ELP3: variants seen among roughly 807,000 people sequenced by gnomAD.
ELP3 encodes the protein elongator acetyltransferase complex subunit 3.
A neutral mutation model predicts 74.9 loss-of-function variants in ELP3; 56 were observed. The ratio of observed to expected loss-of-function variants is 0.75; its 90% confidence interval spans 0.60 to 0.93. The LOEUF (loss-of-function observed/expected upper bound fraction) is 0.93, where lower values mean the gene tolerates loss of function less well. Among genes scored for constraint, ELP3 ranks in the 40% least tolerant of loss-of-function variants. The probability of loss-of-function intolerance (pLI) is 0.00; values close to 1 mark genes in which losing one functional copy is unlikely to be tolerated. For missense variants in ELP3, 573 were observed against 686.5 expected, an observed-to-expected ratio of 0.83 and a Z score of 1.85; for synonymous variants, 222 against 239.8, an observed-to-expected ratio of 0.93 and a Z score of 0.68.
At chr8:28,101,656 C>T (rs1270316113) in intron 3 of ELP3, among the ~76,000 whole-genome samples, 2 of 149,330 alleles carry the variant, frequency 1.3e-5, no homozygotes, top group Non-Finnish European at 2.9e-5. Flanking sequence ...GTGGTACGAT[C>T]TTGGCTCACT....
At chr8:28,188,384 G>A (rs1815325844) in intron 14 of ELP3, among the ~76,000 whole-genome samples, 1 of 152,064 alleles carries the variant, frequency 6.6e-6, no homozygotes, top group South Asian at 2.1e-4. Context: ...CTAATCTGGT[G>A]ACTCTTGGTG....
chr8:28,093,037 T>G, upstream of ELP3: 1 of 1,011,016 alleles, frequency 9.9e-7, no homozygotes, highest in Non-Finnish European at 1.5e-6. Context: ...GCTACCCTGT[T>G]AGTTGCAACA....
In ELP3 at chr8:28,162,207, C is replaced by T. The variant is rs1297004550; in HGVS notation, c.1567+129C>T. The T allele has an allele frequency of 3.4e-5, 31 of 917,134 alleles. No individual in the cohort carries two copies. The East Asian group carries it at 3.8e-4, about 11-fold the overall frequency. 56.8% of individuals were successfully genotyped at this position (917,134 alleles called of 1,614,324 possible). A position where few individuals can be genotyped will look rare whatever the true frequency, so the allele number is the denominator to read the frequency against. ...TTCAAAATTGAGCTGAGCTGACTGGCGAAGGACTTGTGCTCAAACAAAATT... is the reference window on the plus strand; with the variant it reads ...TTCAAAATTGAGCTGAGCTGACTGGTGAAGGACTTGTGCTCAAACAAAATT... On this transcript the variant is annotated intron_variant, in intron 14 of 14. Transcript: ENST00000256398.
chr8:28,143,416 T>C (rs1813320062), intron 10 of ELP3, among the ~76,000 whole-genome samples: 1 of 152,238 alleles, frequency 6.6e-6, no homozygotes, highest in Non-Finnish European at 1.5e-5. Context: ...CTAAACCACT[T>C]TCAATATATG....
intron 7 of ELP3, among the ~76,000 whole-genome samples, chr8:28,116,060 G>A (rs145414339): frequency 3.6e-4 from 55 of 152,312 alleles, no homozygotes; most frequent in African/African-American, 1.2e-3. Context: ...AAGTAAATGC[G>A]TGAATGAATT....
At chr8:28,101,239 C>G (rs1811469803) in intron 3 of ELP3, among the ~76,000 whole-genome samples, 1 of 151,854 alleles carries the variant, frequency 6.6e-6, no homozygotes, top group African/African-American at 2.4e-5. Flanking sequence ...ACGACGAAAG[C>G]CCATCTCTAC....
At chr8:28,102,213 TCA>T (rs1038857197) in intron 3 of ELP3, among the ~76,000 whole-genome samples, 1 of 152,212 alleles carries the variant, frequency 6.6e-6, no homozygotes, top group African/African-American at 2.4e-5. Flanking sequence ...TGTCAGATTG[TCA>T]GTTAGGCATC....
intron 14 of ELP3, among the ~76,000 whole-genome samples, chr8:28,189,333 C>T (rs1045871613): frequency 9.9e-5 from 15 of 152,222 alleles, no homozygotes; most frequent in Non-Finnish European, 1.8e-4. Context: ...CCTGGTGTTG[C>T]CAGTAGGGTA....
At chr8:28,164,388 A>G (rs534862587) in intron 14 of ELP3, among the ~76,000 whole-genome samples, 1 of 152,326 alleles carries the variant, frequency 6.6e-6, no homozygotes, top group Admixed American at 6.5e-5. Flanking sequence ...TAACAAGAAG[A>G]GACTTGCTCA....
intron 14 of ELP3, 62 bp from the exon 15 acceptor site, chr8:28,189,570 TAAGGCTGAGGGAAGCAC>T: frequency 1.4e-6 from 2 of 1,407,526 alleles, no homozygotes; most frequent in Non-Finnish European, 2.0e-6. Flanking sequence ...GGAGAGAGTG[TAAGGCTGAGGGAAGCAC>T]ATGCCGACTT....
chr8:28,097,182 A>C (rs368407461), intron 1 of ELP3, 37 bp from the exon 2 acceptor site: 25 of 1,399,340 alleles, frequency 1.8e-5, no homozygotes, highest in Non-Finnish European at 2.5e-5. Flanking sequence ...TGATTGAATG[A>C]TACGATTTTT....
chr8:28,129,477 TA>T, intron 7 of ELP3, 24 bp from the exon 8 acceptor site: 1 of 1,613,344 alleles, frequency 6.2e-7, no homozygotes, highest in South Asian at 1.1e-5. Context: ...TGCAACAGGT[TA>T]ATTATTTTAG....
chr8:28,107,527 G>A (rs187350554), intron 4 of ELP3, among the ~76,000 whole-genome samples: 17 of 152,266 alleles, frequency 1.1e-4, no homozygotes, highest in South Asian at 4.1e-4. Context: ...AAGAATTAGC[G>A]GAAGAGTTTG....
At chr8:28,155,885 C>A in intron 10 of ELP3, 57 bp from the exon 11 acceptor site, 1 of 1,387,134 alleles carries the variant, frequency 7.2e-7, no homozygotes, top group Non-Finnish European at 1.0e-6. Flanking sequence ...CCTTGCCTTA[C>A]TGCTGTGGAG....
intron 10 of ELP3, among the ~76,000 whole-genome samples, chr8:28,144,895 A>T (rs1198800037): frequency 1.3e-5 from 2 of 152,202 alleles, no homozygotes; most frequent in African/African-American, 4.8e-5. Flanking sequence ...AAAAAAAATT[A>T]GCTGAGTGTG....
At chr8:28,151,180 T>C (rs1311676113) in intron 10 of ELP3, among the ~76,000 whole-genome samples, 2 of 152,242 alleles carry the variant, frequency 1.3e-5, no homozygotes, top group Admixed American at 6.5e-5. Flanking sequence ...CTCTTGATAA[T>C]ATCTCAAGCC....
chr8:28,156,036 A>G lies in ELP3; in HGVS notation c.1191+4A>G, dbSNP rs777742193. 1 of 1,611,970 alleles carries G rather than the reference A, an allele frequency of 6.2e-7. No homozygotes were observed. Among genetic ancestry groups the G allele is most frequent in the Non-Finnish European group, 8.5e-7 (1 of 1,178,304 alleles). On this transcript the variant is annotated splice_donor_region_variant and intron_variant, in intron 11 of 14. Coordinates refer to ENST00000256398, the MANE Select transcript of ELP3 (RefSeq NM_018091.6). ...AATGAAAGACCTCGGAATACAGGTA[A>G]GAGCAAATATGGCGGTCAGGCCACA...
In ELP3 at chr8:28,191,151, A is replaced by C. The variant is rs6992370; in HGVS notation, c.*1426A>C. 0.42 allele frequency: 64,475 copies of C among 152,124 alleles called. 15,129 individuals are homozygous for C. The highest frequency in any genetic ancestry group is 0.57 in the Middle Eastern group (167 of 294). 9.4% of individuals were successfully genotyped at this position (152,124 alleles called of 1,614,324 possible). A position where few individuals can be genotyped will look rare whatever the true frequency, so the allele number is the denominator to read the frequency against. ...TGAAAATAAAAAGTCTTTAACATAC[A>C]AAGAAGAGTCATGTGGTTTTCTTTC... On this transcript the variant is annotated 3_prime_UTR_variant, in exon 15 of 15. Transcript: ENST00000256398.
At chr8:28,135,142 C>G (rs142124133) in intron 9 of ELP3, among the ~76,000 whole-genome samples, 6,612 of 152,150 alleles carry the variant, frequency 0.043, 490 homozygotes, top group African/African-American at 0.15. Context: ...GTTGACCAGG[C>G]TGGTCTCGAA....
Sources: allele counts gnomAD v4.1 joint callset (sites outside exome capture counted in the v4.1 genomes callset), GRCh38; gene constraint gnomAD v4.1.1; transcripts MANE v1.5; gene names NCBI Gene and HGNC (gene_info 2026-07-23, HGNC 2026-07-21).